The following MRPL13 variants were observed in gnomAD, a reference collection of about 807,000 sequenced individuals.
The protein encoded by MRPL13 is large ribosomal subunit protein uL13m.
A neutral mutation model predicts 29.0 loss-of-function variants in MRPL13; 33 were observed. The observed-to-expected ratio is 1.14, with a 90% CI of 0.86 to 1.52. The LOEUF is 1.52. Ranked by LOEUF, MRPL13 falls within the 40% of genes most tolerant of loss-of-function variation. The pLI, the probability that MRPL13 is intolerant of heterozygous loss-of-function variation, is 0.00. For synonymous variants in MRPL13, 77 were observed against 68.4 expected (o/e 1.13, Z -0.62); for missense variants, 227 against 216.7 (o/e 1.05, Z -0.30).
intron 3 of MRPL13, among the ~76,000 whole-genome samples, chr8:120,428,439 G>A (rs990383996): frequency 6.6e-6 from 1 of 152,146 alleles, no homozygotes; most frequent in Non-Finnish European, 1.5e-5. Context: ...CATGGGCAAA[G>A]ATTTCATGAC....
rs550021450 is a variant in MRPL13 at position 120,429,406 on chromosome 8, T to C, written c.245+2624A>G. ...ACTAATGGGTACTGGGCTTAATACC[T>C]GGGTGATGAAATAACCTGTACAACA... On this transcript the variant is annotated intron_variant, in intron 3 of 6. Transcript: ENST00000306185. Among the ~76,000 whole-genome samples, 19 of 151,914 alleles carry C rather than the reference T, an allele frequency of 1.3e-4. No homozygotes were observed. In the South Asian group the frequency reaches 3.5e-3, roughly 28 times the overall value.
At chr8:120,405,445 G>A (rs1812655409) in intron 6 of MRPL13, among the ~76,000 whole-genome samples, 2 of 152,184 alleles carry the variant, frequency 1.3e-5, no homozygotes, top group African/African-American at 4.8e-5. Flanking sequence ...TTATTCTGTG[G>A]AGGGGCTCAC....
chr8:120,443,330 A>AAG, intron 1 of MRPL13, 22 bp from the exon 2 acceptor site: 1 of 1,545,500 alleles, frequency 6.5e-7, no homozygotes, highest in Non-Finnish European at 8.7e-7. Context: ...AAAAAAAAAA[A>AAG]AAGAAGAGGA....
chr8:120,432,198 A>AAT (rs1478579296), intron 2 of MRPL13, 75 bp from the exon 3 acceptor site: 3 of 1,054,426 alleles, frequency 2.8e-6, no homozygotes, highest in Non-Finnish European at 4.0e-6. Context: ...GTTATTTATA[A>AAT]AGCTTATCAA....
intron 6 of MRPL13, among the ~76,000 whole-genome samples, chr8:120,402,670 C>T (rs192914512): frequency 4.6e-5 from 7 of 152,210 alleles, no homozygotes; most frequent in South Asian, 2.1e-4. Flanking sequence ...AACTAAAGAG[C>T]GTCTGTACAG....
At position 120,443,286 on chromosome 8, in the gene MRPL13, A is replaced by G; in HGVS notation, c.50T>C (p.Ile17Thr). Residue 17 changes from isoleucine (I) to threonine (T), a missense_variant, in exon 2 of 7, where the codon ATA becomes ACA. Coordinates refer to ENST00000306185, the MANE Select transcript of MRPL13 (RefSeq NM_014078.6). Reference sequence around the variant, plus strand: ...CATTTTCCCATCTAAGAGATACCATATTCTAGCAAAAGTGGCCCATTGCTT... The same window carrying G: ...CATTTTCCCATCTAAGAGATACCATGTTCTAGCAAAAGTGGCCCATTGCTT... ...APQQWATFAR[I>T]WYLLDGKMQP... is the part of the protein sequence containing the mutation. The G allele has an allele frequency of 6.3e-7, 1 of 1,593,724 alleles. No homozygotes were observed. The highest frequency in any genetic ancestry group is 8.5e-7 in the Non-Finnish European group (1 of 1,172,204).
At chr8:120,398,337 A>C (rs1812546811) in intron 6 of MRPL13, among the ~76,000 whole-genome samples, 2 of 152,158 alleles carry the variant, frequency 1.3e-5, no homozygotes, top group Admixed American at 1.3e-4. Context: ...TGATACCTCC[A>C]GGTAAGGTAA....
At chr8:120,432,005 T>A in intron 3 of MRPL13, 25 bp downstream of exon 3, 1 of 1,481,704 alleles carries the variant, frequency 6.7e-7, no homozygotes, top group Non-Finnish European at 9.2e-7. Context: ...ACTACCTAAT[T>A]TCCCTGACAA....
At chr8:120,410,082 T>C (rs1254462484) in intron 6 of MRPL13, among the ~76,000 whole-genome samples, 1 of 152,208 alleles carries the variant, frequency 6.6e-6, no homozygotes, top group Non-Finnish European at 1.5e-5. Context: ...GCTTTTAGTC[T>C]CTAATAGAAA....
In MRPL13 at chr8:120,442,623, T is replaced by A. The variant is rs555281574; in HGVS notation, c.151+562A>T. Reference sequence around the variant, plus strand: ...AAAAACTGACATCTGGATCTGGCCATGAAGTGCTGGGGTAAATGAAGTCTA... The same window carrying A: ...AAAAACTGACATCTGGATCTGGCCAAGAAGTGCTGGGGTAAATGAAGTCTA... On this transcript the variant is annotated intron_variant, in intron 2 of 6. Transcript: ENST00000306185. Among the ~76,000 whole-genome samples, 5 of 152,294 alleles carry A rather than the reference T, an allele frequency of 3.3e-5. 1 individual carries two copies. Among genetic ancestry groups the A allele is most frequent in the African/African-American group, 9.6e-5 (4 of 41,570 alleles).
chr8:120,419,924 A>T lies in MRPL13; in HGVS notation c.321T>A (p.Ala107=), dbSNP rs1041155689. The change falls in exon 5 of 7, where the codon GCT becomes GCA. Residue 107 remains alanine (A), a synonymous_variant. Transcript: ENST00000306185. The part of the protein sequence containing the change: ...LRDPVAIVKL[A]IYGMLPKNLH... ...GGTTTTTTGGCAGCATGCCATAAAT[A>T]GCTAGTTTTACAATCTGAAAGATAT... 47 of 1,592,152 alleles carry T rather than the reference A, an allele frequency of 3.0e-5. No homozygotes were observed. The highest frequency in any genetic ancestry group is 3.9e-5 in the Non-Finnish European group (46 of 1,169,702).
chr8:120,419,740 G>A, intron 5 of MRPL13, 112 bp downstream of exon 5: 1 of 628,856 alleles, frequency 1.6e-6, no homozygotes, highest in Non-Finnish European at 2.6e-6. Flanking sequence ...AAATATTTCA[G>A]AAGTTGACAT....
intron 1 of MRPL13, among the ~76,000 whole-genome samples, chr8:120,444,031 G>A (rs1003445971): frequency 1.3e-5 from 2 of 152,030 alleles, no homozygotes; most frequent in Admixed American, 1.3e-4. Context: ...TGGAAAAATA[G>A]AACGAGGCTA....
intron 6 of MRPL13, among the ~76,000 whole-genome samples, chr8:120,397,565 A>C (rs1812539399): frequency 6.6e-6 from 1 of 152,146 alleles, no homozygotes; most frequent in Non-Finnish European, 1.5e-5. Context: ...GACAAGGAGG[A>C]GTCGCCCACA....
At chr8:120,406,364 A>C (rs1295763841) in intron 6 of MRPL13, among the ~76,000 whole-genome samples, 2 of 152,192 alleles carry the variant, frequency 1.3e-5, no homozygotes, top group Non-Finnish European at 2.9e-5. Context: ...AACCCAAAAC[A>C]TGAATTTATC....
chr8:120,425,503 T>C, intron 3 of MRPL13, 137 bp from the exon 4 acceptor site: 1 of 566,438 alleles, frequency 1.8e-6, no homozygotes. Context: ...CAAAATTAAG[T>C]AGTAATCTAC....
chr8:120,434,378 A>T (rs1276658453), intron 2 of MRPL13, among the ~76,000 whole-genome samples: 1 of 152,120 alleles, frequency 6.6e-6, no homozygotes, highest in Non-Finnish European at 1.5e-5. Flanking sequence ...GGTAAAGCTA[A>T]CGTACTCCCT....
At position 120,441,376 on chromosome 8, in the gene MRPL13, T is replaced by C. The variant is rs906602839; in HGVS notation, c.151+1809A>G. ...AGACAAAATGCAATCATCTAAGGCATGAGAAGAGGTTCAAGGACTGGGCCC... is the reference window on the plus strand; with the variant it reads ...AGACAAAATGCAATCATCTAAGGCACGAGAAGAGGTTCAAGGACTGGGCCC... On this transcript the variant is annotated intron_variant, in intron 2 of 6. Transcript: ENST00000306185. Among the ~76,000 whole-genome samples, 4 of 152,164 alleles carry C rather than the reference T, an allele frequency of 2.6e-5. 1 individual carries two copies. The highest frequency in any genetic ancestry group is 2.6e-4 in the Admixed American group (4 of 15,280).
rs1812512458 is a variant in MRPL13 at position 120,395,505 on chromosome 8, T to A, written c.*599A>T. On this transcript the variant is annotated 3_prime_UTR_variant, in exon 7 of 7. Transcript: ENST00000306185. ...CAGTGTGGAGAGTCTACAAACAGAATCACTGGCAGGGAAGAGGGATTTCTA... is the reference window on the plus strand; with the variant it reads ...CAGTGTGGAGAGTCTACAAACAGAAACACTGGCAGGGAAGAGGGATTTCTA... 6.6e-6 allele frequency: 1 copy of A among 152,502 alleles called. No homozygotes were observed. Among genetic ancestry groups the A allele is most frequent in the South Asian group, 2.1e-4 (1 of 4,828 alleles). 9.4% of individuals were successfully genotyped at this position (152,502 alleles called of 1,614,324 possible). A position where few individuals can be genotyped will look rare whatever the true frequency, so the allele number is the denominator to read the frequency against.
Sources: gnomAD v4.1 joint callset for allele counts (sites outside exome capture counted in the v4.1 genomes callset) on GRCh38, gnomAD v4.1.1 for gene constraint, MANE v1.5 for transcripts, NCBI Gene and HGNC (gene_info 2026-07-23, HGNC 2026-07-21) for gene names.